Variants in SLCO4A1 observed in about 807,000 individuals in gnomAD.
SLCO4A1 encodes colon organic anion transporter.
SLCO4A1 carries 51 observed loss-of-function variants against 64.6 expected under a neutral mutation model. That is an observed-to-expected ratio of 0.79 (90% confidence interval 0.63 to 1.00). The LOEUF (loss-of-function observed/expected upper bound fraction) is 1.00. Ranked by LOEUF, SLCO4A1 falls within the 50% of genes least tolerant of loss-of-function variation. The pLI is 0.00. For synonymous variants in SLCO4A1, 471 were observed against 444.9 expected (o/e 1.06, Z -0.74); for missense variants, 919 against 980.5 (o/e 0.94, Z 0.84).
chr20:62,667,791 GCC>G lies in SLCO4A1; in HGVS notation c.1520_1521del (p.Ala507ValfsTer45). On this transcript the variant is annotated frameshift_variant, in exon 8 of 12. Coordinates refer to ENST00000217159, the MANE Select transcript of SLCO4A1 (RefSeq NM_016354.4). LOFTEE classifies it high-confidence loss of function. ...HLNLTAPCNA[A>X]CSCQPEHYSP... ...GAACCTAACGGCTCCCTGCAACGCT[GCC>G]TGCAGCTGCCAGCCAGAACACTACA... 1 of 1,612,058 alleles carries G rather than the reference GCC, an allele frequency of 6.2e-7. No homozygotes were observed. Among genetic ancestry groups the G allele is most frequent in the Non-Finnish European group, 8.5e-7 (1 of 1,179,846 alleles).
downstream of SLCO4A1, among the ~76,000 whole-genome samples, chr20:62,686,748 A>G (rs1037636948): frequency 3.0e-4 from 45 of 152,340 alleles, no homozygotes; most frequent in African/African-American, 1.1e-3. Flanking sequence ...TGGACGGTGC[A>G]GAGACAGGAA....
chr20:62,681,469 CGT>C (rs10622662), intron 2 of SLCO4A1, among the ~76,000 whole-genome samples: 12 of 145,978 alleles, frequency 8.2e-5, no homozygotes, highest in African/African-American at 3.0e-4. Context: ...TGTACACACT[CGT>C]GTGTGTGTTA....
chr20:62,650,580 A>G (rs756270910), intron 1 of SLCO4A1: 9 of 152,296 alleles, frequency 5.9e-5, no homozygotes, highest in South Asian at 2.1e-4. Flanking sequence ...CCATGAGTGC[A>G]TCTGCCTTGG....
At chr20:62,658,511 AGT>A (rs1984169612) in intron 2 of SLCO4A1, among the ~76,000 whole-genome samples, 164 bp from the exon 3 acceptor site, 1 of 152,270 alleles carries the variant, frequency 6.6e-6, no homozygotes, top group South Asian at 2.1e-4. Flanking sequence ...TATCAGGCCC[AGT>A]GGCAACTGCA....
rs1013901538 is a variant in SLCO4A1 at position 62,645,197 on chromosome 20, C to T, written c.-97+2644C>T. On this transcript the variant is annotated intron_variant, in intron 1 of 11. Transcript: ENST00000217159. The surrounding 1 kb of genome is among the most constrained non-coding windows in gnomAD (Gnocchi z 4.2). ...TGTTGGAATGGGCACGTGGGGATTG[C>T]ACCCCTTGAACAGGGAGGGAGGTGC... Among the ~76,000 whole-genome samples the T allele has an allele frequency of 5.3e-5, 8 of 152,180 alleles. No homozygotes were observed.
intron 1 of SLCO4A1, among the ~76,000 whole-genome samples, chr20:62,646,047 C>T (rs1479106147): frequency 6.6e-6 from 1 of 152,156 alleles, no homozygotes; most frequent in African/African-American, 2.4e-5. Context: ...AGGAGAGTGG[C>T]CCAGCTGTGC....
Position 62,656,573 on chromosome 20 carries a change from GC to G in SLCO4A1, c.123del (p.Gly42AlafsTer77). The G allele has an allele frequency of 6.3e-7, 1 of 1,588,306 alleles. No individual in the cohort carries two copies. Among genetic ancestry groups the G allele is most frequent in the Non-Finnish European group, 8.5e-7 (1 of 1,171,686 alleles). On this transcript the variant is annotated frameshift_variant, in exon 2 of 12. Transcript: ENST00000217159. LOFTEE classifies it high-confidence loss of function. ...SRRASPGTPL[S>X]PGSLRSAAHS... ...AGGGCATCCCCGGGCACACCCCTGA[GC>G]CCCGGCTCCCTCCGCTCCGCTGCCC...
rs1479070483 is a variant in SLCO4A1, at chr20:62,647,471, T to G, written c.-97+4918T>G. Reference sequence around the variant, plus strand: ...TCCTGCCTGGCCTCCAAATTCTGAGTGGGGCCTGGAAGCCGGGACTGGGAC... The same window carrying G: ...TCCTGCCTGGCCTCCAAATTCTGAGGGGGGCCTGGAAGCCGGGACTGGGAC... On this transcript the variant is annotated intron_variant, in intron 1 of 11. Coordinates refer to ENST00000217159, the MANE Select transcript of SLCO4A1 (RefSeq NM_016354.4). 2.0e-5 allele frequency among the ~76,000 whole-genome samples: 3 copies of G among 152,054 alleles called. 1 individual carries two copies. Among genetic ancestry groups the G allele is most frequent in the African/African-American group, 7.2e-5 (3 of 41,406 alleles).
chr20:62,682,577 A>G (rs1386963579), intron 2 of SLCO4A1, among the ~76,000 whole-genome samples: 1 of 152,112 alleles, frequency 6.6e-6, no homozygotes, highest in Non-Finnish European at 1.5e-5. Flanking sequence ...GTCTGCAGAA[A>G]TCTGGGGCAC....
chr20:62,663,811 C>T (rs1985534305), intron 5 of SLCO4A1, among the ~76,000 whole-genome samples: 1 of 152,224 alleles, frequency 6.6e-6, no homozygotes, highest in South Asian at 2.1e-4. Context: ...AGCCGAGCCT[C>T]TCTTTGCAGA....
intron 3 of SLCO4A1, among the ~76,000 whole-genome samples, chr20:62,659,394 G>A (rs968059721): frequency 4.6e-5 from 7 of 152,246 alleles, no homozygotes; most frequent in East Asian, 1.9e-4. Context: ...TCTGTTACTC[G>A]GCCTGGGCAC....
chr20:62,681,061 A>T (rs1035751568), intron 2 of SLCO4A1, among the ~76,000 whole-genome samples: 5 of 152,118 alleles, frequency 3.3e-5, no homozygotes, highest in Non-Finnish European at 5.9e-5. Context: ...TATAGGCACA[A>T]GTCACCACGC....
downstream of SLCO4A1, among the ~76,000 whole-genome samples, chr20:62,674,776 G>A (rs566719220): frequency 6.6e-6 from 1 of 152,280 alleles, no homozygotes; most frequent in South Asian, 2.1e-4. Flanking sequence ...GTGGCCCCCC[G>A]ATGGGATTCG....
At chr20:62,689,210 C>A (rs1415473179), downstream of SLCO4A1, among the ~76,000 whole-genome samples, 2 of 149,532 alleles carry the variant, frequency 1.3e-5, no homozygotes, top group Non-Finnish European at 3.0e-5. Flanking sequence ...TAGGCTTGTC[C>A]CTGGCTGTGC....
intron 1 of SLCO4A1, among the ~76,000 whole-genome samples, chr20:62,648,526 G>A (rs535773358): frequency 1.8e-4 from 27 of 152,252 alleles, no homozygotes; most frequent in East Asian, 5.8e-4. Flanking sequence ...CCGTGTGGCC[G>A]GAGCCCCAGG....
Position 62,661,045 on chromosome 20 carries a change from T to A in SLCO4A1, c.1010-19T>A. 1.3e-5 allele frequency: 5 copies of A among 373,808 alleles called. No individual in the cohort carries two copies. The highest frequency in any genetic ancestry group is 2.1e-5 in the Non-Finnish European group (4 of 194,710). The allele number at this position is 373,808 out of a possible 1,614,324, so 23.2% of individuals were successfully genotyped here. ...GGAGCCCCCAGCCCCCAGCCCCAGC[T>A]CACTCTGTGCCCTTCCAGGCTCCCA... On this transcript the variant is annotated intron_variant, in intron 4 of 11. Transcript: ENST00000217159. The surrounding 1 kb of genome is among the most constrained non-coding windows in gnomAD (Gnocchi z 5.2).
At chr20:62,660,728 A>G (rs1439320004) in intron 4 of SLCO4A1, among the ~76,000 whole-genome samples, 195 bp downstream of exon 4, 1 of 152,170 alleles carries the variant, frequency 6.6e-6, no homozygotes, top group Non-Finnish European at 1.5e-5. Flanking sequence ...TTGTGTGTCC[A>G]TCCTGTCCTG....
chr20:62,662,717 C>T (rs906355403), intron 5 of SLCO4A1, among the ~76,000 whole-genome samples: 78 of 152,152 alleles, frequency 5.1e-4, no homozygotes, highest in African/African-American at 1.9e-3. Context: ...CAGGGAGGGA[C>T]TCCCCCAGGG....
chr20:62,669,014 C>A lies in SLCO4A1; in HGVS notation c.1961C>A (p.Ser654Tyr). 1 of 1,611,232 alleles carries A rather than the reference C, an allele frequency of 6.2e-7. No homozygotes were observed. Residue 654 changes from serine (S) to tyrosine (Y), a missense_variant, in exon 11 of 12, where the codon TCC (serine) becomes TAC (tyrosine). Physicochemically the swap from Ser to Tyr is moderately radical, Grantham distance 144. Transcript: ENST00000217159. ...LWQDQCGQQGSCLVYQNSAMS... is the reference protein window; with the variant it reads ...LWQDQCGQQGYCLVYQNSAMS... Reference sequence around the variant, plus strand: ...CAGGACCAGTGTGGCCAGCAGGGCTCCTGCTTGGTGTACCAGAATTCGGCC... The same window carrying A: ...CAGGACCAGTGTGGCCAGCAGGGCTACTGCTTGGTGTACCAGAATTCGGCC...
Sources: allele counts gnomAD v4.1 joint callset (sites outside exome capture counted in the v4.1 genomes callset), GRCh38; gene constraint gnomAD v4.1.1; non-coding constraint Gnocchi (gnomAD v3.1); transcripts MANE v1.5; gene names NCBI Gene and HGNC (gene_info 2026-07-23, HGNC 2026-07-21).